Variants in RIMS1 observed in about 807,000 individuals in gnomAD.
RIMS1 encodes the protein regulating synaptic membrane exocytosis 1, also known as regulating synaptic membrane exocytosis protein 1.
Under a neutral mutation model 214.1 loss-of-function variants are expected in RIMS1, and 83 were observed. The ratio of observed to expected loss-of-function variants is 0.39; its 90% CI spans 0.32 to 0.47. RIMS1 has a LOEUF of 0.47. Ranked by LOEUF, RIMS1 falls within the 20% of genes least tolerant of loss-of-function variation. The pLI is 0.99. For missense variants in RIMS1, 2,050 were observed against 2,161.8 expected, an observed-to-expected ratio of 0.95 and a Z score of 1.03; for synonymous variants, 793 against 786.8, an observed-to-expected ratio of 1.01 and a Z score of -0.13.
intron 2 of RIMS1, among the ~76,000 whole-genome samples, chr6:72,077,155 C>A (rs1236090906): frequency 6.6e-6 from 1 of 152,176 alleles, no homozygotes; most frequent in Admixed American, 6.5e-5. Flanking sequence ...CCTCGTCCTT[C>A]AGGATCCCAC....
At chr6:71,954,862 A>T (rs1254865682) in intron 1 of RIMS1, among the ~76,000 whole-genome samples, 4 of 140,402 alleles carry the variant, frequency 2.8e-5, no homozygotes, top group South Asian at 2.3e-4. Flanking sequence ...ACACACACAC[A>T]CACACACTCC....
At chr6:72,213,695 T>C (rs1422042797) in intron 6 of RIMS1, among the ~76,000 whole-genome samples, 1 of 152,196 alleles carries the variant, frequency 6.6e-6, no homozygotes, top group Non-Finnish European at 1.5e-5. Flanking sequence ...TTTGTGTCAC[T>C]TTTTTAAAAT....
At chr6:72,361,386 G>A (rs941878444) in intron 29 of RIMS1, among the ~76,000 whole-genome samples, 3 of 152,026 alleles carry the variant, frequency 2.0e-5, no homozygotes, top group African/African-American at 7.2e-5. Context: ...GATTACAGGT[G>A]TGAGCCACTG....
intron 1 of RIMS1, among the ~76,000 whole-genome samples, chr6:71,921,310 G>A (rs549818719): frequency 4.6e-5 from 7 of 152,084 alleles, no homozygotes; most frequent in Middle Eastern, 3.4e-3. Context: ...TAGTAGAGAC[G>A]GCATTTCACC....
At chr6:72,262,416 A>T in intron 19 of RIMS1, 1 of 983,952 alleles carries the variant, frequency 1.0e-6, no homozygotes, top group Non-Finnish European at 1.2e-6. Context: ...CGAGGCAGAT[A>T]ACATCCTGTG....
rs73749450 is a variant in RIMS1, at chr6:72,127,881, A to G, written c.471+27895A>G. On this transcript the variant is annotated intron_variant, in intron 4 of 33. Transcript: ENST00000521978. The stretch of plus-strand genomic sequence containing the variant: ...ATCTTACGCTTACATACAACCAAGT[A>G]GGTACAACCCACTCCATACATGATC... 1.9e-3 allele frequency among the ~76,000 whole-genome samples: 290 copies of G among 152,348 alleles called. 1 individual carries two copies. The highest frequency in any genetic ancestry group is 6.7e-3 in the African/African-American group (280 of 41,576).
At chr6:72,086,106 T>A (rs1834598820) in intron 2 of RIMS1, among the ~76,000 whole-genome samples, 1 of 152,186 alleles carries the variant, frequency 6.6e-6, no homozygotes, top group South Asian at 2.1e-4. Flanking sequence ...CTTAAGCGAA[T>A]GCCATAGTGA....
rs2095536375 is a variant in RIMS1 at position 72,312,013 on chromosome 6, A to G, written c.3964-1493A>G. Among the ~76,000 whole-genome samples the G allele has an allele frequency of 3.3e-5, 5 of 152,306 alleles. No individual in the cohort carries two copies. In the South Asian group the frequency reaches 1.0e-3, roughly 32 times the overall value. ...CTCACATTTAATGTTTCAGTCCTAA[A>G]CTACTCTCATGTAAGAAATTATTAA... On this transcript the variant is annotated intron_variant, in intron 27 of 33. Transcript: ENST00000521978.
intron 4 of RIMS1, among the ~76,000 whole-genome samples, chr6:72,115,664 G>A (rs1587366505): frequency 6.6e-6 from 1 of 151,862 alleles, no homozygotes; most frequent in Admixed American, 6.6e-5. Flanking sequence ...ATTGTACTAT[G>A]TGAATTGGAT....
chr6:72,315,890 T>A (rs1445136087), intron 28 of RIMS1, among the ~76,000 whole-genome samples: 2 of 152,186 alleles, frequency 1.3e-5, no homozygotes, highest in East Asian at 3.8e-4. Context: ...TAGGTAACAC[T>A]ATGAGGAATA....
At chr6:71,887,304 C>A (rs971175680) in intron 1 of RIMS1, 117 bp downstream of exon 1, 1 of 1,335,544 alleles carries the variant, frequency 7.5e-7, no homozygotes, top group Non-Finnish European at 1.0e-6. Context: ...GTGCTGGGTG[C>A]GGACGGAGGC....
At chr6:71,954,695 CTT>C (rs58525569) in intron 1 of RIMS1, among the ~76,000 whole-genome samples, 4 of 144,586 alleles carry the variant, frequency 2.8e-5, no homozygotes, top group Admixed American at 1.4e-4. Flanking sequence ...AGTAATTTTT[CTT>C]TTTTTTTTTT....
Position 72,260,868 on chromosome 6 carries a change from A to C in RIMS1, c.3116+101A>C, listed in dbSNP as rs2077671045. ...TTAGTGGTATTATTACAAGCAAGTC[A>C]AATAAATTTCCCAAGTATTTGAAAT... On this transcript the variant is annotated intron_variant, in intron 19 of 33. Coordinates refer to ENST00000521978, the MANE Select transcript of RIMS1 (RefSeq NM_014989.7). 8 of 1,544,162 alleles carry C rather than the reference A, an allele frequency of 5.2e-6. No homozygotes were observed. In the South Asian group the frequency reaches 9.6e-5, roughly 18 times the overall value.
At chr6:71,979,286 C>A (rs1374966539) in intron 2 of RIMS1, among the ~76,000 whole-genome samples, 2 of 151,950 alleles carry the variant, frequency 1.3e-5, no homozygotes, top group African/African-American at 4.8e-5. Context: ...TATTTAATGG[C>A]AGCTTTACAT....
chr6:72,230,017 T>C (rs2061458268), intron 6 of RIMS1, among the ~76,000 whole-genome samples: 1 of 151,774 alleles, frequency 6.6e-6, no homozygotes, highest in Non-Finnish European at 1.5e-5. Flanking sequence ...CAGTTCCAAC[T>C]CACATCCTGC....
At chr6:72,295,438 G>A (rs2093966834) in intron 26 of RIMS1, among the ~76,000 whole-genome samples, 1 of 151,514 alleles carries the variant, frequency 6.6e-6, no homozygotes, top group Non-Finnish European at 1.5e-5. Context: ...GTGTAAAAAT[G>A]GAATTTATTT....
At chr6:72,370,468 C>T (rs2098180707) in intron 29 of RIMS1, among the ~76,000 whole-genome samples, 2 of 152,142 alleles carry the variant, frequency 1.3e-5, no homozygotes, top group South Asian at 4.1e-4. Flanking sequence ...AGTATCTCCT[C>T]CTCAGCAGGA....
intron 5 of RIMS1, among the ~76,000 whole-genome samples, chr6:72,181,559 AATAG>A (rs530781110): frequency 6.6e-6 from 1 of 152,254 alleles, no homozygotes; most frequent in Non-Finnish European, 1.5e-5. Context: ...ACAAGGGCTG[AATAG>A]ATACTTTTTG....
intron 2 of RIMS1, among the ~76,000 whole-genome samples, chr6:71,970,458 G>T (rs1026473098): frequency 1.3e-5 from 2 of 151,964 alleles, no homozygotes; most frequent in African/African-American, 4.8e-5. Context: ...TATATTCCAC[G>T]TATCGAGGTT....
Sources: gnomAD v4.1 joint callset for allele counts (sites outside exome capture counted in the v4.1 genomes callset) on GRCh38, gnomAD v4.1.1 for gene constraint, MANE v1.5 for transcripts, NCBI Gene and HGNC (gene_info 2026-07-23, HGNC 2026-07-21) for gene names.